POLR3A: variants seen among roughly 807,000 people sequenced by gnomAD.
POLR3A encodes RNA polymerase III subunit A.
POLR3A carries 112 observed loss-of-function variants against 152.8 expected under a neutral mutation model. The observed-to-expected ratio is 0.73, with a 90% CI of 0.63 to 0.86. The LOEUF is 0.86. Among genes scored for constraint, POLR3A ranks in the 40% least tolerant of loss-of-function variants. The pLI is 0.00. For missense variants in POLR3A, 1,385 were observed against 1,743.1 expected (o/e 0.79, Z 3.66); for synonymous variants, 615 against 652.1 (o/e 0.94, Z 0.87).
rs180767750 is a variant in POLR3A, at chr10:78,020,432, G to C, written c.1185+1114C>G. ...TTGAGCCCAGGAGTTTGAGGTTACAGTGAGCCATGAGCACACCACTGCACT... is the reference window on the plus strand; with the variant it reads ...TTGAGCCCAGGAGTTTGAGGTTACACTGAGCCATGAGCACACCACTGCACT... On this transcript the variant is annotated intron_variant, in intron 8 of 30. Coordinates refer to ENST00000372371, the MANE Select transcript of POLR3A (RefSeq NM_007055.4). Among the ~76,000 whole-genome samples the C allele has an allele frequency of 2.7e-3, 415 of 152,010 alleles. 6 individuals are homozygous for C. The highest frequency in any genetic ancestry group is 9.5e-3 in the African/African-American group (395 of 41,444).
At chr10:77,985,835 T>A in intron 23 of POLR3A, 68 bp downstream of exon 23, 1 of 1,164,560 alleles carries the variant, frequency 8.6e-7, no homozygotes, top group Non-Finnish European at 1.3e-6. Context: ...TTTGTACACA[T>A]GGGGAAACAG....
rs762587688 is a variant in POLR3A, at chr10:78,026,150, A to G, written c.124T>C (p.Tyr42His). The G allele has an allele frequency of 6.2e-7, 1 of 1,614,232 alleles. No homozygotes were observed. Among genetic ancestry groups the G allele is most frequent in the Non-Finnish European group, 8.5e-7 (1 of 1,180,040 alleles). Residue 42 changes from tyrosine to histidine, a missense_variant, in exon 2 of 31, where the codon TAC becomes CAC. Coordinates refer to ENST00000372371, the MANE Select transcript of POLR3A (RefSeq NM_007055.4). ...GGGGCATGTTGGTTGTCCTGGCTGTACAGGTTCTTACTCACAACTTGGATG... is the reference window on the plus strand; with the variant it reads ...GGGGCATGTTGGTTGTCCTGGCTGTGCAGGTTCTTACTCACAACTTGGATG... The part of the protein sequence containing the change: ...AHIQVVSKNL[Y>H]SQDNQHAPLL...
In POLR3A at chr10:77,982,780, G is replaced by T. The variant is rs767645446; in HGVS notation, c.3467C>A (p.Ser1156Tyr). The T allele has an allele frequency of 1.2e-6, 2 of 1,614,060 alleles. No homozygotes were observed. The highest frequency in any genetic ancestry group is 2.2e-5 in the South Asian group (2 of 91,066). ...ATCACCGGGCTTCACACGGAGCTTGGATGTGCAGATGGAATATCTCACTGT... is the reference window on the plus strand; with the variant it reads ...ATCACCGGGCTTCACACGGAGCTTGTATGTGCAGATGGAATATCTCACTGT... ...AETVRYSICT[S>Y]KLRVKPGDVA... The change falls in exon 27 of 31, where the codon TCC becomes TAC. Residue 1156 changes from serine to tyrosine, a missense_variant. By Grantham distance (144) the Ser-to-Tyr change is moderately radical (BLOSUM62 -2). Transcript: ENST00000372371.
rs1847396171 is a variant in POLR3A, at chr10:78,004,905, G to C, written c.2075-17C>G. On this transcript the variant is annotated splice_polypyrimidine_tract_variant and intron_variant, in intron 15 of 30. Coordinates refer to ENST00000372371, the MANE Select transcript of POLR3A (RefSeq NM_007055.4). Reference sequence around the variant, plus strand: ...CACGGTTAGCTGTTGAGTTGGTAGAGCAGGAAGAAAGGGCCATAAATGAGA... The same window carrying C: ...CACGGTTAGCTGTTGAGTTGGTAGACCAGGAAGAAAGGGCCATAAATGAGA... The C allele has an allele frequency of 6.2e-7, 1 of 1,612,706 alleles. No individual in the cohort carries two copies. The highest frequency in any genetic ancestry group is 8.5e-7 in the Non-Finnish European group (1 of 1,178,870).
chr10:78,010,321 G>C, intron 12 of POLR3A, 150 bp downstream of exon 12: 1 of 717,202 alleles, frequency 1.4e-6, no homozygotes, highest in Non-Finnish European at 2.5e-6. Flanking sequence ...AAAAACCCAC[G>C]GGGAGGTTCA....
At position 77,985,966 on chromosome 10, in the gene POLR3A, A is replaced by AGCT. The variant is rs1371930585; in HGVS notation, c.3005_3007dup (p.Gln1002dup). ...TACTTGGGTGGGGGTGATGCGGTCC[A>AGCT]GCTGGTACAGCACACGGGGCTGGGA... On this transcript the variant is annotated inframe_insertion, in exon 23 of 31. Transcript: ENST00000372371. 1 of 1,614,048 alleles carries AGCT rather than the reference A, an allele frequency of 6.2e-7. No individual in the cohort carries two copies. The highest frequency in any genetic ancestry group is 1.3e-5 in the African/African-American group (1 of 74,900).
Position 77,977,163 on chromosome 10 carries a change from T to A in POLR3A, c.*315A>T. On this transcript the variant is annotated 3_prime_UTR_variant, in exon 31 of 31. Transcript: ENST00000372371. The stretch of plus-strand genomic sequence containing the variant: ...GTATGCAGTGAGCTGGGATGGACCA[T>A]GACACCTGGCTGGGCTTTAAGTCCA... 2.6e-6 allele frequency: 1 copy of A among 386,952 alleles called. No homozygotes were observed. Among genetic ancestry groups the A allele is most frequent in the Non-Finnish European group, 4.9e-6 (1 of 203,260 alleles). The allele number at this position is 386,952 out of a possible 1,614,324, so 24.0% of individuals were successfully genotyped here. A position where few individuals can be genotyped will look rare whatever the true frequency, so the allele number is the denominator to read the frequency against.
intron 26 of POLR3A, among the ~76,000 whole-genome samples, 162 bp from the exon 27 acceptor site, chr10:77,982,979 T>C (rs1432811195): frequency 6.6e-6 from 1 of 152,244 alleles, no homozygotes; most frequent in Admixed American, 6.5e-5. Flanking sequence ...TTTTATGTAC[T>C]ATATGTGTAT....
At chr10:77,981,199 G>A (rs981740581) in intron 29 of POLR3A, among the ~76,000 whole-genome samples, 3 of 152,134 alleles carry the variant, frequency 2.0e-5, no homozygotes, top group African/African-American at 4.8e-5. Flanking sequence ...TCACTCCACC[G>A]ACTGGGTATG....
chr10:78,023,345 A>C (rs1847598715), intron 5 of POLR3A, among the ~76,000 whole-genome samples: 1 of 152,118 alleles, frequency 6.6e-6, no homozygotes, highest in African/African-American at 2.4e-5. Flanking sequence ...TTGTAGTCCC[A>C]GCAACTCGGG....
At position 78,017,608 on chromosome 10, in the gene POLR3A, G is replaced by C. The variant is rs773881352; in HGVS notation, c.1398C>G (p.Pro466=). The C allele has an allele frequency of 3.1e-6, 5 of 1,614,148 alleles. No homozygotes were observed. The South Asian group carries it at 5.5e-5, about 18-fold the overall frequency. Residue 466 remains proline, a synonymous_variant, in exon 10 of 31, where the codon CCC becomes CCG. Transcript: ENST00000372371. The part of the protein sequence containing the change: ...DGDVVLFNRQ[P]SLHKLSIMAH... ...CCATAATGCTCAATTTGTGCAGCGA[G>C]GGCTGCCGATTGAACAGCACCACAT...
At chr10:77,988,156 A>G (rs966969679) in intron 21 of POLR3A, among the ~76,000 whole-genome samples, 11 of 152,170 alleles carry the variant, frequency 7.2e-5, no homozygotes, top group Non-Finnish European at 8.8e-5. Context: ...TCCCACTGAG[A>G]AAGTGCAGAG....
At chr10:78,023,673 G>A (rs551001546) in intron 5 of POLR3A, among the ~76,000 whole-genome samples, 1 of 151,766 alleles carries the variant, frequency 6.6e-6, no homozygotes, top group Non-Finnish European at 1.5e-5. Flanking sequence ...AGCTACTTGG[G>A]AGGCTGACAT....
intron 14 of POLR3A, among the ~76,000 whole-genome samples, chr10:78,008,643 G>A (rs1208910870): frequency 6.6e-6 from 1 of 152,146 alleles, no homozygotes; most frequent in Non-Finnish European, 1.5e-5. Context: ...ATGGATGCTG[G>A]CTAAACAGCA....
At chr10:78,001,457 C>T (rs1847356428) in intron 17 of POLR3A, among the ~76,000 whole-genome samples, 1 of 151,800 alleles carries the variant, frequency 6.6e-6, no homozygotes, top group Admixed American at 6.6e-5. Context: ...GAAGCAAAGA[C>T]AGAGAAATGG....
In POLR3A at chr10:77,993,186, C is replaced by T; in HGVS notation, c.2787+11G>A. On this transcript the variant is annotated intron_variant, in intron 20 of 30. Coordinates refer to ENST00000372371, the MANE Select transcript of POLR3A (RefSeq NM_007055.4). ...AAACACTCTAACCCCAGATATAATG[C>T]TAAATCTTACTTTGATGTTGTCCAG... 4 of 1,604,592 alleles carry T rather than the reference C, an allele frequency of 2.5e-6. No homozygotes were observed. Among genetic ancestry groups the T allele is most frequent in the Non-Finnish European group, 3.4e-6 (4 of 1,171,284 alleles).
chr10:78,029,065 G>C (rs16935549), intron 1 of POLR3A, among the ~76,000 whole-genome samples: 1 of 152,110 alleles, frequency 6.6e-6, no homozygotes, highest in Non-Finnish European at 1.5e-5. Flanking sequence ...GAAGAACAGG[G>C]ATCATTGTAT....
Position 77,993,369 on chromosome 10 carries a change from T to C in POLR3A, c.2617-2A>G. On this transcript the variant is annotated splice_acceptor_variant, in intron 19 of 30. Coordinates refer to ENST00000372371, the MANE Select transcript of POLR3A (RefSeq NM_007055.4). LOFTEE classifies it high-confidence loss of function. ...TTCAAGAGATTTGACAAGCCTTCGC[T>C]AAAGGAAAAGGAGGAAAAAGCTCAG... 2 of 1,612,998 alleles carry C rather than the reference T, an allele frequency of 1.2e-6. No individual in the cohort carries two copies. The highest frequency in any genetic ancestry group is 1.7e-6 in the Non-Finnish European group (2 of 1,179,094).
At chr10:77,991,530 C>T (rs1413473877) in intron 20 of POLR3A, among the ~76,000 whole-genome samples, 1 of 152,130 alleles carries the variant, frequency 6.6e-6, no homozygotes, top group African/African-American at 2.4e-5. Context: ...TCATAAATTT[C>T]TCTTTTTTTT....
Sources: gnomAD v4.1 joint callset for allele counts (sites outside exome capture counted in the v4.1 genomes callset) on GRCh38, gnomAD v4.1.1 for gene constraint, MANE v1.5 for transcripts, NCBI Gene and HGNC (gene_info 2026-07-23, HGNC 2026-07-21) for gene names.